GCNT1: variants seen among roughly 807,000 people sequenced by gnomAD.
GCNT1 encodes beta-1,3-galactosyl-O-glycosyl-glycoprotein beta-1,6-N-acetylglucosaminyltransferase.
A neutral mutation model predicts 26.2 loss-of-function variants in GCNT1; 16 were observed. The observed-to-expected ratio is 0.61, with a 90% confidence interval of 0.41 to 0.93. The LOEUF is 0.93. Ranked by LOEUF, GCNT1 falls within the 40% of genes least tolerant of loss-of-function variation. GCNT1 has a pLI of 0.00. For synonymous variants in GCNT1, 183 were observed against 190.8 expected (o/e 0.96, Z 0.34); for missense variants, 477 against 526.7 (o/e 0.91, Z 0.92).
chr9:76,489,050 A>G (rs2131626980), intron 2 of GCNT1, among the ~76,000 whole-genome samples: 1 of 152,290 alleles, frequency 6.6e-6, no homozygotes, highest in Non-Finnish European at 1.5e-5. Flanking sequence ...CATGTCAGAC[A>G]TCTGGCTGGG....
upstream of GCNT1, among the ~76,000 whole-genome samples, chr9:76,455,854 C>T (rs1251997971): frequency 1.3e-5 from 2 of 152,214 alleles, no homozygotes; most frequent in African/African-American, 2.4e-5. Flanking sequence ...CTGCCCACCT[C>T]GGCCTCCCGA....
chr9:76,409,501 G>A, the GCNT1 span, among the ~76,000 whole-genome samples: 7 of 152,182 alleles, frequency 4.6e-5, no homozygotes, highest in Middle Eastern at 3.4e-3. Flanking sequence ...CCCAGAGTGT[G>A]GTGGTGCAAT....
upstream of GCNT1, among the ~76,000 whole-genome samples, chr9:76,437,445 C>T (rs1381540438): frequency 6.6e-6 from 1 of 152,146 alleles, no homozygotes; most frequent in Admixed American, 6.6e-5. Context: ...TTTACAAATG[C>T]CATGGCAACG....
At chr9:76,432,526 G>A (rs1443584230) in intron 1 of GCNT1, among the ~76,000 whole-genome samples, 1 of 151,890 alleles carries the variant, frequency 6.6e-6, no homozygotes, top group Non-Finnish European at 1.5e-5. Flanking sequence ...TTTTTATAGA[G>A]ACAGGGTTTC....
chr9:76,424,175 T>A (rs10124464), intron 1 of GCNT1, among the ~76,000 whole-genome samples: 2,549 of 152,314 alleles, frequency 0.017, 68 homozygotes, highest in African/African-American at 0.057. Flanking sequence ...TAATATTTTG[T>A]TTAATCTTAT....
intron 1 of GCNT1, among the ~76,000 whole-genome samples, chr9:76,442,660 G>A (rs1490775578): frequency 6.6e-5 from 10 of 152,058 alleles, no homozygotes; most frequent in African/African-American, 2.4e-4. Context: ...CAGCCTGGGC[G>A]ACAGAGTGAG....
intron 2 of GCNT1, among the ~76,000 whole-genome samples, chr9:76,480,974 C>G (rs1034984786): frequency 6.6e-6 from 1 of 151,948 alleles, no homozygotes; most frequent in Admixed American, 6.6e-5. Flanking sequence ...CGTGGTGTCT[C>G]ACGCCTGTAA....
At chr9:76,427,829 G>T (rs71509877) in intron 1 of GCNT1, among the ~76,000 whole-genome samples, 1 of 151,928 alleles carries the variant, frequency 6.6e-6, no homozygotes, top group Admixed American at 6.6e-5. Flanking sequence ...TCTACTAAAA[G>T]CACAAAAATC....
intron 1 of GCNT1, among the ~76,000 whole-genome samples, chr9:76,453,646 T>A (rs1030368653): frequency 1.3e-5 from 2 of 152,090 alleles, no homozygotes; most frequent in Non-Finnish European, 2.9e-5. Context: ...CCTTGAACAA[T>A]CCCCAGGTCG....
intron 1 of GCNT1, among the ~76,000 whole-genome samples, chr9:76,431,300 GC>G (rs568880795): frequency 2.0e-3 from 299 of 152,244 alleles, no homozygotes; most frequent in Non-Finnish European, 3.3e-3. Flanking sequence ...TCAGATGCCA[GC>G]CCTTAGCAGG....
intron 2 of GCNT1, among the ~76,000 whole-genome samples, chr9:76,479,582 A>G (rs552441405): frequency 6.2e-4 from 95 of 152,228 alleles, no homozygotes; most frequent in African/African-American, 2.1e-3. Context: ...ATCTCATTGC[A>G]GTTTTGATTT....
chr9:76,459,720 C>G (rs754830443), intron 1 of GCNT1, among the ~76,000 whole-genome samples: 21 of 152,152 alleles, frequency 1.4e-4, no homozygotes, highest in Middle Eastern at 3.2e-3. Context: ...GGCTAAGATG[C>G]ATTTTCACCC....
chr9:76,445,010 C>CA, intron 1 of GCNT1, among the ~76,000 whole-genome samples: 1 of 152,170 alleles, frequency 6.6e-6, no homozygotes. Flanking sequence ...CACCATACTT[C>CA]AAATATTTAC....
chr9:76,450,080 C>A (rs1306588490), intron 1 of GCNT1, among the ~76,000 whole-genome samples: 1 of 152,086 alleles, frequency 6.6e-6, no homozygotes, highest in Non-Finnish European at 1.5e-5. Context: ...GCCCTATTCG[C>A]CTCTTTTTAT....
chr9:76,485,084 A>G (rs542417371), intron 2 of GCNT1, among the ~76,000 whole-genome samples: 6 of 151,574 alleles, frequency 4.0e-5, no homozygotes, highest in Non-Finnish European at 7.4e-5. Context: ...GCCGCGCCCG[A>G]CCATGATTTC....
At chr9:76,412,563 T>G in the GCNT1 span, among the ~76,000 whole-genome samples, 1 of 152,234 alleles carries the variant, frequency 6.6e-6, no homozygotes, top group African/African-American at 2.4e-5. Context: ...TTTTTTTCTC[T>G]CACCACTTTA....
the GCNT1 span, among the ~76,000 whole-genome samples, chr9:76,394,840 C>G: frequency 1.3e-5 from 2 of 152,212 alleles, no homozygotes; most frequent in Non-Finnish European, 2.9e-5. Flanking sequence ...ATCGCTCGTT[C>G]CGTTCGCTCT....
intron 2 of GCNT1, among the ~76,000 whole-genome samples, chr9:76,488,451 G>A (rs890522195): frequency 3.3e-5 from 5 of 151,888 alleles, no homozygotes; most frequent in Non-Finnish European, 7.4e-5. Flanking sequence ...AACTCGCTGT[G>A]AGTGTTTCTC....
chr9:76,486,524 C>T (rs907896049), intron 2 of GCNT1, among the ~76,000 whole-genome samples: 29 of 152,186 alleles, frequency 1.9e-4, no homozygotes, highest in Admixed American at 1.7e-3. Context: ...GTAAATTGCA[C>T]GGTCTCAGCT....
Sources: allele counts gnomAD v4.1 joint callset (sites outside exome capture counted in the v4.1 genomes callset), GRCh38; gene constraint gnomAD v4.1.1; transcripts MANE v1.5; gene names NCBI Gene and HGNC (gene_info 2026-07-23, HGNC 2026-07-21).